ASF1A: variants seen among roughly 807,000 people sequenced by gnomAD.
The protein encoded by ASF1A is histone chaperone ASF1A.
In ASF1A, 5 loss-of-function variants were observed where a neutral mutation model predicts 22.0. That is an observed-to-expected ratio of 0.23 (90% CI 0.12 to 0.48). The LOEUF is 0.48. ASF1A is among the 20% of genes least tolerant of loss of function. The pLI is 0.99. For synonymous variants in ASF1A, 97 were observed against 86.7 expected, an observed-to-expected ratio of 1.12 and a Z score of -0.66; for missense variants, 137 against 240.6, an observed-to-expected ratio of 0.57 and a Z score of 2.85.
At chr6:118,899,117 A>G (rs1779629949) in intron 1 of ASF1A, among the ~76,000 whole-genome samples, 1 of 152,196 alleles carries the variant, frequency 6.6e-6, no homozygotes, top group East Asian at 1.9e-4. Context: ...TGGCCACACG[A>G]GGTCCATGCC....
rs1780338983 is a variant in ASF1A at position 118,908,785 on chromosome 6, T to C, written c.*1171T>C. 3 of 152,624 alleles carry C rather than the reference T, an allele frequency of 2.0e-5. No homozygotes were observed. Among genetic ancestry groups the C allele is most frequent in the African/African-American group, 7.2e-5 (3 of 41,460 alleles). The allele number at this position is 152,624 out of a possible 1,614,324, so 9.5% of individuals were successfully genotyped here. ...TGCTCCATAAAATTGAGGTAGAATA[T>C]TTTCATTATTCTTGCAGCTAAGCAA... is the stretch of plus-strand genomic sequence containing the variant. On this transcript the variant is annotated 3_prime_UTR_variant, in exon 4 of 4. Coordinates refer to ENST00000229595, the MANE Select transcript of ASF1A (RefSeq NM_014034.3).
At chr6:118,898,558 G>A (rs1226078767) in intron 1 of ASF1A, among the ~76,000 whole-genome samples, 1 of 151,710 alleles carries the variant, frequency 6.6e-6, no homozygotes, top group Non-Finnish European at 1.5e-5. Flanking sequence ...CCGAGTAGCT[G>A]GGACCACAGG....
Position 118,907,713 on chromosome 6 carries a change from ATTTGT to A in ASF1A, c.*102_*106del. Reference sequence around the variant, plus strand: ...ACATAGTCAAAACACAATGTGAAGAATTTGTTTAAAAACATCCTGTAGAAAGTTTA... The same window carrying A: ...ACATAGTCAAAACACAATGTGAAGAATTAAAAACATCCTGTAGAAAGTTTA... On this transcript the variant is annotated 3_prime_UTR_variant, in exon 4 of 4. Coordinates refer to ENST00000229595, the MANE Select transcript of ASF1A (RefSeq NM_014034.3). The A allele has an allele frequency of 1.1e-6, 1 of 925,094 alleles. No individual in the cohort carries two copies. The highest frequency in any genetic ancestry group is 1.8e-5 in the South Asian group (1 of 54,228). 57.3% of individuals were successfully genotyped at this position (925,094 alleles called of 1,614,324 possible). A position where few individuals can be genotyped will look rare whatever the true frequency, so the allele number is the denominator to read the frequency against.
intron 1 of ASF1A, among the ~76,000 whole-genome samples, chr6:118,896,043 T>TG (rs1779384207): frequency 8.7e-6 from 1 of 114,296 alleles, no homozygotes; most frequent in South Asian, 2.8e-4. Context: ...GTGCCCCCGT[T>TG]TTTTTTTTTT....
chr6:118,895,157 C>T (rs1779291193), intron 1 of ASF1A, among the ~76,000 whole-genome samples: 1 of 151,956 alleles, frequency 6.6e-6, no homozygotes, highest in Admixed American at 6.6e-5. Context: ...GCTTCCTCGA[C>T]CAACCAGCGG....
chr6:118,899,158 A>G (rs1460646319), intron 1 of ASF1A, among the ~76,000 whole-genome samples: 3 of 152,152 alleles, frequency 2.0e-5, no homozygotes, highest in Non-Finnish European at 2.9e-5. Context: ...TTATTGAAAT[A>G]TTGTTTCTTC....
intron 1 of ASF1A, among the ~76,000 whole-genome samples, chr6:118,898,460 C>T (rs926566044): frequency 6.7e-6 from 1 of 149,184 alleles, no homozygotes; most frequent in Non-Finnish European, 1.5e-5. Flanking sequence ...AATCTCGTTC[C>T]ATTGCCCAGG....
At chr6:118,905,900 A>G in intron 3 of ASF1A, 72 bp downstream of exon 3, 1 of 1,130,348 alleles carries the variant, frequency 8.8e-7, no homozygotes. Flanking sequence ...TTGCAATTTC[A>G]TAGTATACTA....
At position 118,905,809 on chromosome 6, in the gene ASF1A, T is replaced by C. The variant is rs1019913901; in HGVS notation, c.383T>C (p.Val128Ala). The change falls in exon 3 of 4, where the codon GTA becomes GCA. Residue 128 changes from valine (V) to alanine (A), a missense_variant. Val to Ala is a moderately conservative substitution (Grantham distance 64). This residue lies in a region of ASF1A where 96 missense variants were observed against 196.7 expected (regional missense o/e 0.49). Transcript: ENST00000229595. The part of the protein sequence containing the change: ...TETELRENPP[V>A]KPDFSKLQRN... ...ACAGAATTAAGGGAAAATCCACCAGTAAAACCAGACTTTTCTAAGGTAATG... is the reference window on the plus strand; with the variant it reads ...ACAGAATTAAGGGAAAATCCACCAGCAAAACCAGACTTTTCTAAGGTAATG... 29 of 1,603,900 alleles carry C rather than the reference T, an allele frequency of 1.8e-5. No homozygotes were observed. The highest frequency in any genetic ancestry group is 2.5e-5 in the Non-Finnish European group (29 of 1,173,466).
At chr6:118,902,061 A>ATACAGAGCTAAGAGCT (rs1210478590) in intron 2 of ASF1A, among the ~76,000 whole-genome samples, 1 of 152,232 alleles carries the variant, frequency 6.6e-6, no homozygotes, top group African/African-American at 2.4e-5. Flanking sequence ...GTATCTAAAG[A>ATACAGAGCTAAGAGCT]AATAGCTAAG....
At chr6:118,907,282 T>C in intron 3 of ASF1A, 120 bp from the exon 4 acceptor site, 1 of 658,676 alleles carries the variant, frequency 1.5e-6, no homozygotes, top group East Asian at 2.7e-5. Flanking sequence ...AATTATACCT[T>C]TGTATATGAA....
At chr6:118,900,176 C>T (rs1779711648) in intron 1 of ASF1A, among the ~76,000 whole-genome samples, 1 of 152,068 alleles carries the variant, frequency 6.6e-6, no homozygotes, top group African/African-American at 2.4e-5. Context: ...AGGGGGGTGC[C>T]GTAAGGGAAA....
chr6:118,897,615 T>C (rs1293239160), intron 1 of ASF1A, among the ~76,000 whole-genome samples: 1 of 152,142 alleles, frequency 6.6e-6, no homozygotes, highest in Non-Finnish European at 1.5e-5. Context: ...AAAAATTCTC[T>C]TGATGACTTC....
chr6:118,895,934 CTT>C (rs990966691), intron 1 of ASF1A, among the ~76,000 whole-genome samples: 3 of 151,798 alleles, frequency 2.0e-5, no homozygotes, highest in African/African-American at 7.3e-5. Flanking sequence ...TTGTAATAAA[CTT>C]TTAGAAAGTT....
At chr6:118,903,497 C>T (rs1779945558) in intron 2 of ASF1A, among the ~76,000 whole-genome samples, 1 of 151,746 alleles carries the variant, frequency 6.6e-6, no homozygotes, top group African/African-American at 2.4e-5. Context: ...AGCATAGCAT[C>T]TAGAAGAGAA....
In ASF1A at chr6:118,900,897, G is replaced by A. The variant is rs1562430473; in HGVS notation, c.225+16G>A. 1.5e-5 allele frequency: 23 copies of A among 1,502,646 alleles called. No individual in the cohort carries two copies. Among genetic ancestry groups the A allele is most frequent in the Non-Finnish European group, 2.1e-5 (23 of 1,078,182 alleles). 93.1% of individuals were successfully genotyped at this position (1,502,646 alleles called of 1,614,324 possible). A position where few individuals can be genotyped will look rare whatever the true frequency, so the allele number is the denominator to read the frequency against. Reference sequence around the variant, plus strand: ...TGTATTTCAGGTAAGATTAATCTTGGTAAATGTGTATGCCAAATATGTTTC... The same window carrying A: ...TGTATTTCAGGTAAGATTAATCTTGATAAATGTGTATGCCAAATATGTTTC... On this transcript the variant is annotated intron_variant, in intron 2 of 3. Coordinates refer to ENST00000229595, the MANE Select transcript of ASF1A (RefSeq NM_014034.3).
intron 3 of ASF1A, among the ~76,000 whole-genome samples, chr6:118,906,599 C>T (rs888741006): frequency 6.6e-6 from 1 of 152,144 alleles, no homozygotes; most frequent in Non-Finnish European, 1.5e-5. Flanking sequence ...AACACCTATA[C>T]GCTTTATCTG....
At chr6:118,894,544 C>T in intron 1 of ASF1A, 22 bp downstream of exon 1, 5 of 1,525,798 alleles carry the variant, frequency 3.3e-6, no homozygotes, top group Non-Finnish European at 4.4e-6. Flanking sequence ...GCCCGTGCGC[C>T]CGGGCTGTCA....
intron 1 of ASF1A, among the ~76,000 whole-genome samples, chr6:118,896,033 G>A (rs1159502177): frequency 7.0e-6 from 1 of 143,328 alleles, no homozygotes; most frequent in Non-Finnish European, 1.5e-5. Context: ...ACTTTAACAT[G>A]TGCCCCCGTT....
Sources: gnomAD v4.1 joint callset for allele counts (sites outside exome capture counted in the v4.1 genomes callset) on GRCh38, gnomAD v4.1.1 for gene constraint, gnomAD v4.1.1 regional missense constraint, MANE v1.5 for transcripts, NCBI Gene and HGNC (gene_info 2026-07-23, HGNC 2026-07-21) for gene names.